Variants in PLA2G4C observed in about 807,000 individuals in gnomAD.
PLA2G4C encodes cytosolic phospholipase A2 gamma.
PLA2G4C carries 64 observed loss-of-function variants against 73.8 expected under a neutral mutation model. That is an observed-to-expected ratio of 0.87 (90% confidence interval 0.71 to 1.07). PLA2G4C has a LOEUF of 1.07. PLA2G4C is among the 50% of genes least tolerant of loss of function. PLA2G4C has a pLI of 0.00. For synonymous variants in PLA2G4C, 254 were observed against 252.1 expected (o/e 1.01, Z -0.07); for missense variants, 622 against 665.4 (o/e 0.93, Z 0.72).
chr19:48,090,154 C>T, intron 8 of PLA2G4C: 1 of 543,550 alleles, frequency 1.8e-6, no homozygotes, highest in Non-Finnish European at 3.3e-6. Flanking sequence ...TTACATGTAC[C>T]AGAGCAACAT....
At position 48,076,471 on chromosome 19, in the gene PLA2G4C, G is replaced by A. The variant is rs183706186; in HGVS notation, c.898+1300C>T. Among the ~76,000 whole-genome samples, 496 of 152,240 alleles carry A rather than the reference G, an allele frequency of 3.3e-3. 3 individuals carry two copies. The highest frequency in any genetic ancestry group is 0.026 in the Admixed American group (400 of 15,270). On this transcript the variant is annotated intron_variant, in intron 11 of 16. Transcript: ENST00000599921. ...AGATGCAAGCAGCTTGGCCCAGCGC[G>A]GTGGCTCACACCTGTAATCCCAGCA...
chr19:48,056,274 G>A (rs891869933), intron 14 of PLA2G4C, among the ~76,000 whole-genome samples: 1 of 152,124 alleles, frequency 6.6e-6, no homozygotes, highest in Non-Finnish European at 1.5e-5. Context: ...CGGGCCAGGC[G>A]TGGTGGCTCA....
intron 13 of PLA2G4C, among the ~76,000 whole-genome samples, chr19:48,063,330 C>T (rs1428298354): frequency 2.0e-5 from 3 of 152,148 alleles, no homozygotes; most frequent in Non-Finnish European, 2.9e-5. Flanking sequence ...GCGTGAGCCA[C>T]GGGCCGGCCA....
At chr19:48,051,440 A>G (rs1967721503) in intron 16 of PLA2G4C, among the ~76,000 whole-genome samples, 1 of 152,214 alleles carries the variant, frequency 6.6e-6, no homozygotes, top group Admixed American at 6.5e-5. Flanking sequence ...GGTTGGCGCA[A>G]AAGTAGTTGT....
At chr19:48,053,323 A>C (rs1324302918) in intron 15 of PLA2G4C, among the ~76,000 whole-genome samples, 176 bp from the exon 16 acceptor site, 1 of 140,958 alleles carries the variant, frequency 7.1e-6, no homozygotes, top group Non-Finnish European at 1.5e-5. Context: ...TTATGGATTT[A>C]TCTATATTTT....
intron 4 of PLA2G4C, among the ~76,000 whole-genome samples, chr19:48,101,930 C>A (rs1170136065): frequency 6.6e-6 from 1 of 151,380 alleles, no homozygotes; most frequent in African/African-American, 2.4e-5. Context: ...CTGCCTCGGC[C>A]TCTTGAAGTG....
rs1217131169 is a variant in PLA2G4C at position 48,057,456 on chromosome 19, TTTCTTCTTCTTC to T, written c.1258-2419_1258-2408del. ...AAAGGAGATGCAGTCTCAACAAGTG[TTTCTTCTTCTTC>T]TTCTTCTTCTTCTTCTTTTTTTTTT... On this transcript the variant is annotated intron_variant, in intron 14 of 16. Coordinates refer to ENST00000599921, the MANE Select transcript of PLA2G4C (RefSeq NM_003706.3). 3.5e-4 allele frequency among the ~76,000 whole-genome samples: 20 copies of T among 57,396 alleles called. No homozygotes were observed. The South Asian group carries it at 5.1e-3, about 15-fold the overall frequency. The allele number at this position is 57,396 out of a possible 152,430, so 37.7% of individuals were successfully genotyped here. A position where few individuals can be genotyped will look rare whatever the true frequency, so the allele number is the denominator to read the frequency against.
chr19:48,067,466 C>G (rs748981149), intron 13 of PLA2G4C, among the ~76,000 whole-genome samples: 3 of 151,986 alleles, frequency 2.0e-5, no homozygotes, highest in Non-Finnish European at 2.9e-5. Flanking sequence ...CTGCGCCCAG[C>G]CCATACAAGT....
chr19:48,057,951 A>T (rs941319720), intron 14 of PLA2G4C, among the ~76,000 whole-genome samples: 14 of 149,882 alleles, frequency 9.3e-5, no homozygotes, highest in Non-Finnish European at 1.8e-4. Context: ...TCCCATCTCA[A>T]CCTCCTAAGT....
At chr19:48,049,240 T>C (rs1286353118) in intron 16 of PLA2G4C, among the ~76,000 whole-genome samples, 2 of 152,202 alleles carry the variant, frequency 1.3e-5, no homozygotes, top group Non-Finnish European at 2.9e-5. Flanking sequence ...GATCAAGGTC[T>C]TTCCCACTCC....
chr19:48,098,598 G>C (rs1045507211), intron 5 of PLA2G4C, among the ~76,000 whole-genome samples: 1 of 151,248 alleles, frequency 6.6e-6, no homozygotes, highest in Non-Finnish European at 1.5e-5. Flanking sequence ...GCTTGGATAG[G>C]CTAGGTGCTG....
rs11564598 is a variant in PLA2G4C at position 48,077,775 on chromosome 19, TG to T, written c.893del (p.Pro298GlnfsTer13). 29,942 of 1,606,024 alleles carry T rather than the reference TG, an allele frequency of 0.019. 330 individuals are homozygous for T. The highest frequency in any genetic ancestry group is 0.022 in the Non-Finnish European group (25,326 of 1,175,822). On this transcript the variant is annotated frameshift_variant, in exon 11 of 17. Coordinates refer to ENST00000599921, the MANE Select transcript of PLA2G4C (RefSeq NM_003706.3). LOFTEE classifies it high-confidence loss of function. The stretch of plus-strand genomic sequence containing the variant: ...ATGGCAAAGTAGGATGCTTACCTTC[TG>T]GGGGAGGATGTTCCCCTTGTGAACT... The part of the protein sequence containing the change: ...QESSQGEHPP[P>X]EDEGGEPEHT...
At chr19:48,088,845 A>G (rs944394401) in intron 8 of PLA2G4C, 133 bp from the exon 9 acceptor site, 3 of 731,670 alleles carry the variant, frequency 4.1e-6, no homozygotes, top group South Asian at 1.6e-5. Context: ...ATGGCAGCCA[A>G]TGGCTCTCGA....
At chr19:48,060,881 A>G (rs1968142409) in intron 14 of PLA2G4C, among the ~76,000 whole-genome samples, 1 of 152,160 alleles carries the variant, frequency 6.6e-6, no homozygotes, top group Non-Finnish European at 1.5e-5. Context: ...ATAAATATAT[A>G]TTACATTACA....
intron 1 of PLA2G4C, among the ~76,000 whole-genome samples, chr19:48,107,490 G>A (rs1026358571): frequency 6.6e-6 from 1 of 152,158 alleles, no homozygotes; most frequent in Non-Finnish European, 1.5e-5. Flanking sequence ...TGTCATGCCC[G>A]AATAGGGCCA....
intron 12 of PLA2G4C, among the ~76,000 whole-genome samples, chr19:48,068,594 A>C (rs2122521092): frequency 6.6e-6 from 1 of 152,184 alleles, no homozygotes; most frequent in South Asian, 2.1e-4. Context: ...CAGAAGGCTG[A>C]GGCAGGAGGA....
intron 9 of PLA2G4C, among the ~76,000 whole-genome samples, chr19:48,087,840 A>G (rs1379729882): frequency 6.6e-6 from 1 of 151,866 alleles, no homozygotes; most frequent in Non-Finnish European, 1.5e-5. Flanking sequence ...AGGCTGCGGC[A>G]GGAGAATTCC....
intron 4 of PLA2G4C, among the ~76,000 whole-genome samples, chr19:48,100,205 C>T (rs1471965066): frequency 6.6e-6 from 1 of 152,090 alleles, no homozygotes; most frequent in Non-Finnish European, 1.5e-5. Context: ...TACCTATTAA[C>T]TCACATAATC....
intron 14 of PLA2G4C, 152 bp downstream of exon 14, chr19:48,061,846 G>T: frequency 1.3e-6 from 1 of 751,794 alleles, no homozygotes; most frequent in Non-Finnish European, 2.2e-6. Flanking sequence ...TGCTTCGGGA[G>T]CGATGGGTGA....
Sources: allele counts gnomAD v4.1 joint callset (sites outside exome capture counted in the v4.1 genomes callset), GRCh38; gene constraint gnomAD v4.1.1; transcripts MANE v1.5; gene names NCBI Gene and HGNC (gene_info 2026-07-23, HGNC 2026-07-21).